TGM2: variants seen among roughly 807,000 people sequenced by gnomAD.
The protein encoded by TGM2 is transglutaminase 2.
A neutral mutation model predicts 75.6 loss-of-function variants in TGM2; 53 were observed. That is an observed-to-expected ratio of 0.70 (90% CI 0.56 to 0.88). The LOEUF is 0.88. TGM2 is among the 40% of genes least tolerant of loss of function. The pLI, the probability that TGM2 is intolerant of heterozygous loss-of-function variation, is 0.00. For missense variants in TGM2, 842 were observed against 928.5 expected (o/e 0.91, Z 1.21); for synonymous variants, 374 against 381.1 (o/e 0.98, Z 0.22).
intron 5 of TGM2, 101 bp downstream of exon 5, chr20:38,147,860 G>A (rs969758071): frequency 1.1e-4 from 163 of 1,513,588 alleles, no homozygotes; most frequent in East Asian, 1.5e-4. Context: ...CCCATCTCCC[G>A]GGTCCCCCAC....
intron 2 of TGM2, among the ~76,000 whole-genome samples, chr20:38,157,205 G>C (rs1004915186): frequency 6.6e-6 from 1 of 152,052 alleles, no homozygotes; most frequent in Admixed American, 6.6e-5. Context: ...TCACCCAGGG[G>C]CTCCCTCCCA....
At position 38,161,412 on chromosome 20, in the gene TGM2, G is replaced by T. The variant is rs2075250548; in HGVS notation, c.190+8C>A. 1.2e-6 allele frequency: 2 copies of T among 1,613,770 alleles called. No homozygotes were observed. The highest frequency in any genetic ancestry group is 8.5e-7 in the Non-Finnish European group (1 of 1,179,818). On this transcript the variant is annotated splice_region_variant and intron_variant, in intron 2 of 12. Transcript: ENST00000361475. ...TGGTGGTGGTGGAGTGGGGTTGCAG[G>T]TACTCACCGGTCACGACACTGAAGG...
At chr20:38,149,405 C>T (rs548092189) in intron 4 of TGM2, among the ~76,000 whole-genome samples, 8 of 152,262 alleles carry the variant, frequency 5.3e-5, no homozygotes, top group African/African-American at 1.7e-4. Flanking sequence ...GGGCCGGGCG[C>T]GGTGGCTCAC....
chr20:38,133,316 T>C, intron 10 of TGM2: 1 of 169,692 alleles, frequency 5.9e-6, no homozygotes, highest in Non-Finnish European at 1.3e-5. Flanking sequence ...TCACTGGCTG[T>C]GTGAGCCCGG....
At chr20:38,165,815 C>T (rs2075305428), upstream of TGM2, among the ~76,000 whole-genome samples, 1 of 151,820 alleles carries the variant, frequency 6.6e-6, no homozygotes, top group Admixed American at 6.6e-5. Context: ...ACAGATACAC[C>T]AAACACGGCT....
rs2074777844 is a variant in TGM2, at chr20:38,127,402, A to G, written c.*2817T>C. The G allele has an allele frequency of 1.0e-6, 1 of 983,232 alleles. No individual in the cohort carries two copies. Among genetic ancestry groups the G allele is most frequent in the Non-Finnish European group, 1.2e-6 (1 of 828,094 alleles). The allele number at this position is 983,232 out of a possible 1,614,324, so 60.9% of individuals were successfully genotyped here. A position where few individuals can be genotyped will look rare whatever the true frequency, so the allele number is the denominator to read the frequency against. Reference sequence around the variant, plus strand: ...CCAGAACACGTGATGTCATGTTTTTATTTTGATTTATTTTTTATGTGCATG... The same window carrying G: ...CCAGAACACGTGATGTCATGTTTTTGTTTTGATTTATTTTTTATGTGCATG... On this transcript the variant is annotated 3_prime_UTR_variant, in exon 13 of 13. Transcript: ENST00000361475.
In TGM2 at chr20:38,158,492, C is replaced by T. The variant is rs182858173; in HGVS notation, c.191-2403G>A. Among the ~76,000 whole-genome samples, 7 of 152,260 alleles carry T rather than the reference C, an allele frequency of 4.6e-5. No individual in the cohort carries two copies. In the South Asian group the frequency reaches 1.5e-3, roughly 32 times the overall value. ...CTGGGATGGGGTGGGTGGGCAGGAC[C>T]TTCCAGAGTAAAGCCTTCTATCAGC... On this transcript the variant is annotated intron_variant, in intron 2 of 12. Transcript: ENST00000361475.
At chr20:38,135,747 C>T (rs1198971110) in intron 10 of TGM2, among the ~76,000 whole-genome samples, 1 of 152,136 alleles carries the variant, frequency 6.6e-6, no homozygotes, top group Non-Finnish European at 1.5e-5. Flanking sequence ...CTGCCTGGGA[C>T]AGAAGGTGTT....
intron 5 of TGM2, 122 bp downstream of exon 5, chr20:38,147,839 C>T: frequency 7.0e-7 from 1 of 1,428,962 alleles, no homozygotes; most frequent in Non-Finnish European, 9.6e-7. Flanking sequence ...AGGTCTTTTC[C>T]CCAAGACTTA....
In TGM2 at chr20:38,146,597, G is replaced by T. The variant is rs1336263839; in HGVS notation, c.859+120C>A. 7 of 1,190,390 alleles carry T rather than the reference G, an allele frequency of 5.9e-6. 1 individual carries two copies. The South Asian group carries it at 8.9e-5, about 15-fold the overall frequency. 73.7% of individuals were successfully genotyped at this position (1,190,390 alleles called of 1,614,324 possible). On this transcript the variant is annotated intron_variant, in intron 6 of 12. Coordinates refer to ENST00000361475, the MANE Select transcript of TGM2 (RefSeq NM_004613.4). Reference sequence around the variant, plus strand: ...GTGGTCACAGGCTCTAGGCCACATAGCGCATTGAGAGTGTTGGTGGCAGGG... The same window carrying T: ...GTGGTCACAGGCTCTAGGCCACATATCGCATTGAGAGTGTTGGTGGCAGGG...
chr20:38,130,646 G>C (rs1434948558), intron 12 of TGM2, among the ~76,000 whole-genome samples: 1 of 152,200 alleles, frequency 6.6e-6, no homozygotes, highest in Non-Finnish European at 1.5e-5. Flanking sequence ...GTATTGAGCT[G>C]TACATAGGTG....
Position 38,130,169 on chromosome 20 carries a change from A to T in TGM2, c.*50T>A. The T allele has an allele frequency of 6.2e-7, 1 of 1,609,932 alleles. No homozygotes were observed. The highest frequency in any genetic ancestry group is 8.5e-7 in the Non-Finnish European group (1 of 1,178,776). ...ATATTTTGCTCACTAGCTTGGGATA[A>T]GGATTGGGATCAAGGTGGGGGCTCT... On this transcript the variant is annotated 3_prime_UTR_variant, in exon 13 of 13. Coordinates refer to ENST00000361475, the MANE Select transcript of TGM2 (RefSeq NM_004613.4).
At chr20:38,134,101 G>T (rs917895936) in intron 10 of TGM2, among the ~76,000 whole-genome samples, 2 of 152,170 alleles carry the variant, frequency 1.3e-5, no homozygotes, top group African/African-American at 4.8e-5. Context: ...TCCCCAGGAG[G>T]TCACCAGAAG....
chr20:38,166,498 G>A (rs907089090), upstream of TGM2: 2 of 152,174 alleles, frequency 1.3e-5, no homozygotes, highest in Non-Finnish European at 2.9e-5. Flanking sequence ...CTGTGCTTCC[G>A]GATCCACTGT....
intron 11 of TGM2, among the ~76,000 whole-genome samples, 178 bp from the exon 12 acceptor site, chr20:38,131,407 C>A (rs2074832136): frequency 6.8e-6 from 1 of 147,558 alleles, no homozygotes; most frequent in African/African-American, 2.6e-5. Context: ...ACCGATTGTG[C>A]TACCGGCCCA....
At chr20:38,167,617 T>C (rs1311133383), upstream of TGM2, among the ~76,000 whole-genome samples, 1 of 152,194 alleles carries the variant, frequency 6.6e-6, no homozygotes, top group African/African-American at 2.4e-5. Flanking sequence ...GGGATTATAG[T>C]CATGAACCAC....
chr20:38,135,312 C>T (rs987757619), intron 10 of TGM2, among the ~76,000 whole-genome samples: 2 of 152,100 alleles, frequency 1.3e-5, no homozygotes, highest in African/African-American at 4.8e-5. Flanking sequence ...TGCACTGAAA[C>T]GATGGGACTG....
rs1231793414 is a variant in TGM2 at position 38,153,524 on chromosome 20, CA to C, written c.433+2322del. 5.4e-3 allele frequency among the ~76,000 whole-genome samples: 345 copies of C among 63,886 alleles called. 4 individuals are homozygous for C. Among genetic ancestry groups the C allele is most frequent in the African/African-American group, 0.037 (318 of 8,706 alleles). The allele number at this position is 63,886 out of a possible 152,430, so 41.9% of individuals were successfully genotyped here. A position where few individuals can be genotyped will look rare whatever the true frequency, so the allele number is the denominator to read the frequency against. ...TGGGTGACAGAGAGAGCCTTGGTCT[CA>C]AAAAAAAGAAAAAAAAAAAAAGAAT... On this transcript the variant is annotated intron_variant, in intron 3 of 12. Transcript: ENST00000361475.
At position 38,140,059 on chromosome 20, in the gene TGM2, A is replaced by C. The variant is rs188428456; in HGVS notation, c.1100-405T>G. ...CCCAGACATCCTGAGGAAATTATGG[A>C]GCCAAGGACAGGCAACATGTTAGCA... On this transcript the variant is annotated intron_variant, in intron 8 of 12. Transcript: ENST00000361475. Among the ~76,000 whole-genome samples, 4 of 152,358 alleles carry C rather than the reference A, an allele frequency of 2.6e-5. No individual in the cohort carries two copies. In the East Asian group the frequency reaches 5.8e-4, roughly 22 times the overall value.
Sources: allele counts gnomAD v4.1 joint callset (sites outside exome capture counted in the v4.1 genomes callset), GRCh38; gene constraint gnomAD v4.1.1; transcripts MANE v1.5; gene names NCBI Gene and HGNC (gene_info 2026-07-23, HGNC 2026-07-21).